Variants in POU6F2 observed in about 807,000 individuals in gnomAD.
POU6F2 encodes the protein POU domain, class 6, transcription factor 2.
POU6F2 carries 31 observed loss-of-function variants against 71.3 expected under a neutral mutation model. That is an observed-to-expected ratio of 0.43 (90% confidence interval 0.33 to 0.59). The LOEUF is 0.59. POU6F2 is among the 20% of genes least tolerant of loss of function. POU6F2 has a pLI of 0.04. For synonymous variants in POU6F2, 347 were observed against 355.7 expected, an observed-to-expected ratio of 0.98 and a Z score of 0.27; for missense variants, 783 against 856.8, an observed-to-expected ratio of 0.91 and a Z score of 1.07.
At chr7:39,363,075 T>G (rs190236317) in intron 5 of POU6F2, among the ~76,000 whole-genome samples, 5 of 152,274 alleles carry the variant, frequency 3.3e-5, no homozygotes, top group Admixed American at 3.3e-4. Context: ...GAGGTCAGAC[T>G]GCCGAGAGTC....
chr7:39,059,513 A>T (rs1394979833), intron 1 of POU6F2, among the ~76,000 whole-genome samples: 1 of 151,796 alleles, frequency 6.6e-6, no homozygotes, highest in Non-Finnish European at 1.5e-5. Flanking sequence ...TAAAAAAAAA[A>T]AAAAAGGAAA....
intron 2 of POU6F2, among the ~76,000 whole-genome samples, chr7:39,174,570 C>T (rs1793290826): frequency 6.6e-6 from 1 of 152,140 alleles, no homozygotes; most frequent in African/African-American, 2.4e-5. Flanking sequence ...CAAGAGGTAT[C>T]CTATCACGGC....
At position 39,433,085 on chromosome 7, in the gene POU6F2, G is replaced by T. The variant is rs774366726; in HGVS notation, c.1122G>T (p.Gly374=). ...LVTNAQGQII[G]TIPLMPNPGP... is the part of the protein sequence containing the mutation. ...TTGGCCCTCTCTTGCAGATTATCGG[G>T]ACCATTCCACTGATGCCTAATCCAG... is the stretch of plus-strand genomic sequence containing the variant. Residue 374 remains glycine, a synonymous_variant, in exon 7 of 10, where the codon GGG becomes GGT. Coordinates refer to ENST00000518318, the MANE Select transcript of POU6F2 (RefSeq NM_001370959.1). The T allele has an allele frequency of 1.2e-6, 2 of 1,612,908 alleles. No individual in the cohort carries two copies. Among genetic ancestry groups the T allele is most frequent in the East Asian group, 4.5e-5 (2 of 44,788 alleles).
At chr7:39,431,624 G>A (rs1186723665) in intron 6 of POU6F2, among the ~76,000 whole-genome samples, 1 of 152,138 alleles carries the variant, frequency 6.6e-6, no homozygotes, top group East Asian at 1.9e-4. Context: ...GGGAGCTAGG[G>A]GGAAGGATGG....
At chr7:39,118,496 G>T (rs1194690160) in intron 2 of POU6F2, among the ~76,000 whole-genome samples, 3 of 151,964 alleles carry the variant, frequency 2.0e-5, no homozygotes, top group African/African-American at 7.3e-5. Flanking sequence ...CAAAGACCAA[G>T]AAAGAGCTCT....
chr7:39,256,909 T>G (rs1784035870), intron 4 of POU6F2, among the ~76,000 whole-genome samples: 1 of 152,196 alleles, frequency 6.6e-6, no homozygotes, highest in African/African-American at 2.4e-5. Flanking sequence ...TAAAACCCAT[T>G]AAAACCCATT....
At chr7:39,163,514 A>C (rs1281938134) in intron 2 of POU6F2, among the ~76,000 whole-genome samples, 1 of 152,164 alleles carries the variant, frequency 6.6e-6, no homozygotes, top group Non-Finnish European at 1.5e-5. Flanking sequence ...GGGACAGCAC[A>C]TTTGGCATCC....
chr7:39,072,264 G>T (rs10081389), intron 1 of POU6F2, among the ~76,000 whole-genome samples: 1 of 152,026 alleles, frequency 6.6e-6, no homozygotes, highest in Non-Finnish European at 1.5e-5. Context: ...AATTCCAGCC[G>T]TGGAGGATCA....
At chr7:39,193,880 T>C (rs971050413) in intron 2 of POU6F2, among the ~76,000 whole-genome samples, 1 of 152,220 alleles carries the variant, frequency 6.6e-6, no homozygotes. Context: ...TTATACAGTT[T>C]TGTTTCCTGT....
At chr7:39,047,966 T>G (rs937095499) in intron 1 of POU6F2, among the ~76,000 whole-genome samples, 2 of 151,936 alleles carry the variant, frequency 1.3e-5, no homozygotes, top group African/African-American at 4.8e-5. Context: ...GACATTAATC[T>G]GCAATTTTAT....
In POU6F2 at chr7:39,238,291, G is replaced by A. The variant is rs185159839; in HGVS notation, c.598+30671G>A. Reference sequence around the variant, plus strand: ...CAATGAACATATAAGGACAAACGCCGCCTGACACATGGTAGTTGCTTCGCC... The same window carrying A: ...CAATGAACATATAAGGACAAACGCCACCTGACACATGGTAGTTGCTTCGCC... On this transcript the variant is annotated intron_variant, in intron 4 of 9. Transcript: ENST00000518318. Among the ~76,000 whole-genome samples, 145 of 152,162 alleles carry A rather than the reference G, an allele frequency of 9.5e-4. 1 individual carries two copies. The highest frequency in any genetic ancestry group is 3.4e-3 in the Middle Eastern group (1 of 294).
At chr7:39,083,106 C>T (rs991375142) in intron 1 of POU6F2, among the ~76,000 whole-genome samples, 9 of 152,156 alleles carry the variant, frequency 5.9e-5, no homozygotes, top group Non-Finnish European at 1.0e-4. Context: ...TACACTTGAA[C>T]TCAGCAGCTG....
intron 1 of POU6F2, among the ~76,000 whole-genome samples, chr7:39,042,641 A>G (rs1790213498): frequency 6.6e-6 from 1 of 152,056 alleles, no homozygotes. Context: ...TGACTGTCAC[A>G]TTCATCAACA....
intron 2 of POU6F2, among the ~76,000 whole-genome samples, chr7:39,174,956 CTTTA>C (rs945797817): frequency 3.4e-4 from 52 of 152,324 alleles, no homozygotes; most frequent in African/African-American, 1.3e-3. Flanking sequence ...TCCTTGTACT[CTTTA>C]TTTCTCTTCT....
At chr7:38,992,855 C>A (rs1438554248) in intron 1 of POU6F2, among the ~76,000 whole-genome samples, 1 of 152,098 alleles carries the variant, frequency 6.6e-6, no homozygotes, top group African/African-American at 2.4e-5. Flanking sequence ...CATTTTTCTA[C>A]AGTCTGGGAA....
intron 5 of POU6F2, among the ~76,000 whole-genome samples, chr7:39,383,982 C>T (rs571068041): frequency 6.6e-6 from 1 of 152,296 alleles, no homozygotes. Flanking sequence ...CTCCCCAGAA[C>T]GTTTAATTTG....
intron 4 of POU6F2, among the ~76,000 whole-genome samples, chr7:39,275,262 C>T (rs1784415386): frequency 6.6e-6 from 1 of 152,012 alleles, no homozygotes; most frequent in South Asian, 2.1e-4. Context: ...CAATAACAGA[C>T]AAACAGAGAG....
At chr7:39,272,375 G>C (rs1784356164) in intron 4 of POU6F2, among the ~76,000 whole-genome samples, 4 of 152,140 alleles carry the variant, frequency 2.6e-5, no homozygotes, top group Non-Finnish European at 5.9e-5. Flanking sequence ...CTCTGGACCA[G>C]GGGGCCTTTC....
At chr7:39,414,087 A>G (rs1455823156) in intron 6 of POU6F2, among the ~76,000 whole-genome samples, 1 of 151,958 alleles carries the variant, frequency 6.6e-6, no homozygotes, top group Non-Finnish European at 1.5e-5. Context: ...TAACTTTCTT[A>G]ACCCTGTATT....
Sources: gnomAD v4.1 joint callset for allele counts (sites outside exome capture counted in the v4.1 genomes callset) on GRCh38, gnomAD v4.1.1 for gene constraint, MANE v1.5 for transcripts, NCBI Gene and HGNC (gene_info 2026-07-23, HGNC 2026-07-21) for gene names.